IMMP2L: variants seen among roughly 807,000 people sequenced by gnomAD.
The protein encoded by IMMP2L is mitochondrial inner membrane protease subunit 2.
In IMMP2L, 18 loss-of-function variants were observed where a neutral mutation model predicts 19.3. That is an observed-to-expected ratio of 0.93 (90% CI 0.64 to 1.38). The LOEUF is 1.38. Among genes scored for constraint, IMMP2L ranks in the 40% most tolerant of loss-of-function variants. The pLI is 0.00. For synonymous variants in IMMP2L, 76 were observed against 73.0 expected, an observed-to-expected ratio of 1.04 and a Z score of -0.21; for missense variants, 233 against 218.2, an observed-to-expected ratio of 1.07 and a Z score of -0.43.
intron 3 of IMMP2L, among the ~76,000 whole-genome samples, chr7:111,452,275 T>G (rs1839275566): frequency 6.6e-6 from 1 of 152,160 alleles, no homozygotes; most frequent in South Asian, 2.1e-4. Context: ...AGCCAGAAGC[T>G]AACTATTATT....
intron 5 of IMMP2L, among the ~76,000 whole-genome samples, chr7:110,755,930 A>G (rs1447014989): frequency 6.6e-6 from 1 of 152,112 alleles, no homozygotes; most frequent in Admixed American, 6.6e-5. Context: ...AGTATTCTAT[A>G]TTGCCATTTT....
At chr7:111,356,887 C>T (rs990400297) in intron 3 of IMMP2L, among the ~76,000 whole-genome samples, 3 of 151,966 alleles carry the variant, frequency 2.0e-5, no homozygotes, top group Non-Finnish European at 4.4e-5. Flanking sequence ...ATTAGCCAGG[C>T]GTTGTGGTGG....
intron 3 of IMMP2L, among the ~76,000 whole-genome samples, chr7:110,978,345 T>G (rs2129557597): frequency 6.6e-6 from 1 of 152,110 alleles, no homozygotes; most frequent in Admixed American, 6.6e-5. Context: ...TGCCTATATT[T>G]TACAATAAGA....
At chr7:111,281,142 GAA>G (rs1819688337) in intron 3 of IMMP2L, among the ~76,000 whole-genome samples, 1 of 84,952 alleles carries the variant, frequency 1.2e-5, no homozygotes. Flanking sequence ...GAGAAAGACA[GAA>G]AGACAGAAAG....
At chr7:111,429,182 A>G (rs917016237) in intron 3 of IMMP2L, among the ~76,000 whole-genome samples, 1 of 151,888 alleles carries the variant, frequency 6.6e-6, no homozygotes, top group African/African-American at 2.4e-5. Context: ...GAGCAGCTTC[A>G]TGAATCTCTG....
rs540260733 is a variant in IMMP2L, at chr7:111,011,908, T to C, written c.240-48343A>G. Among the ~76,000 whole-genome samples the C allele has an allele frequency of 3.3e-5, 5 of 152,218 alleles. No individual in the cohort carries two copies. In the East Asian group the frequency reaches 9.6e-4, roughly 29 times the overall value. ...ACAAAATTCTTATGACATTGCCATT[T>C]CCTGCCATCCTGTATTTCTCTCTGG... is the stretch of plus-strand genomic sequence containing the variant. On this transcript the variant is annotated intron_variant, in intron 3 of 5. Transcript: ENST00000405709.
chr7:110,671,854 C>A (rs56004197), intron 5 of IMMP2L, among the ~76,000 whole-genome samples: 3,065 of 152,076 alleles, frequency 0.02, 105 homozygotes, highest in African/African-American at 0.07. Flanking sequence ...TCAGGAAGAA[C>A]AAGACTGTTA....
chr7:111,282,805 A>G (rs1467065960), intron 3 of IMMP2L, among the ~76,000 whole-genome samples: 1 of 152,102 alleles, frequency 6.6e-6, no homozygotes, highest in Non-Finnish European at 1.5e-5. Context: ...GCTGGTCTCA[A>G]ATTCTTGGGC....
chr7:110,902,918 C>T (rs1299837885), intron 4 of IMMP2L, among the ~76,000 whole-genome samples: 1 of 29,296 alleles, frequency 3.4e-5, no homozygotes, highest in African/African-American at 2.4e-4. Flanking sequence ...GGCGACAGAG[C>T]GAGACTCCGT....
intron 3 of IMMP2L, among the ~76,000 whole-genome samples, chr7:111,242,855 A>G (rs1031818088): frequency 6.6e-6 from 1 of 152,028 alleles, no homozygotes; most frequent in African/African-American, 2.4e-5. Flanking sequence ...AAGATTTTGG[A>G]CTCCGACATA....
intron 5 of IMMP2L, among the ~76,000 whole-genome samples, chr7:110,751,156 A>G (rs1797692662): frequency 6.6e-6 from 1 of 151,600 alleles, no homozygotes; most frequent in African/African-American, 2.4e-5. Context: ...TTCGTCCCTC[A>G]CTAAGAGACT....
At chr7:111,348,211 A>G (rs1827770504) in intron 3 of IMMP2L, among the ~76,000 whole-genome samples, 1 of 151,826 alleles carries the variant, frequency 6.6e-6, no homozygotes. Flanking sequence ...TGGGTGCAGC[A>G]CACCAACATG....
intron 3 of IMMP2L, among the ~76,000 whole-genome samples, chr7:111,424,140 T>C (rs899684525): frequency 6.6e-6 from 1 of 151,948 alleles, no homozygotes; most frequent in African/African-American, 2.4e-5. Flanking sequence ...TTAAGTGAAT[T>C]CTGATTCGTT....
chr7:111,485,597 CAAAAAA>C (rs71147477), intron 3 of IMMP2L, among the ~76,000 whole-genome samples: 2 of 50,596 alleles, frequency 4.0e-5, no homozygotes, highest in East Asian at 1.3e-3. Context: ...GACTCTGTTT[CAAAAAA>C]AAAAAAAAAA....
chr7:111,493,467 C>T (rs1387970813), intron 2 of IMMP2L, among the ~76,000 whole-genome samples: 1 of 151,914 alleles, frequency 6.6e-6, no homozygotes, highest in African/African-American at 2.4e-5. Context: ...CTTTGGGAGG[C>T]CAAGGTGGGT....
intron 3 of IMMP2L, among the ~76,000 whole-genome samples, chr7:111,001,815 A>C (rs1823731308): frequency 6.6e-6 from 1 of 152,208 alleles, no homozygotes; most frequent in Non-Finnish European, 1.5e-5. Flanking sequence ...TATCATTCTC[A>C]AAAGCAGTCA....
intron 3 of IMMP2L, among the ~76,000 whole-genome samples, chr7:111,187,392 C>T (rs1808386726): frequency 6.6e-6 from 1 of 152,096 alleles, no homozygotes; most frequent in Admixed American, 6.5e-5. Flanking sequence ...CCCAGATATT[C>T]AGGGCAATAC....
chr7:111,163,962 A>G lies in IMMP2L; in HGVS notation c.240-200397T>C, dbSNP rs1805545357. 2.0e-5 allele frequency among the ~76,000 whole-genome samples: 3 copies of G among 152,088 alleles called. No homozygotes were observed. The South Asian group carries it at 6.2e-4, about 31-fold the overall frequency. ...TTCCTACTATACTGGAACAAGCTAT[A>G]GCACAAAAGATCTGAAATAGCTGTA... On this transcript the variant is annotated intron_variant, in intron 3 of 5. Transcript: ENST00000405709.
intron 5 of IMMP2L, among the ~76,000 whole-genome samples, chr7:110,818,441 G>C (rs1369677470): frequency 6.6e-6 from 1 of 151,974 alleles, no homozygotes; most frequent in Non-Finnish European, 1.5e-5. Flanking sequence ...TTAGAATGGC[G>C]ATCATTAAAA....
Sources: allele counts gnomAD v4.1 joint callset (sites outside exome capture counted in the v4.1 genomes callset), GRCh38; gene constraint gnomAD v4.1.1; transcripts MANE v1.5; gene names NCBI Gene and HGNC (gene_info 2026-07-23, HGNC 2026-07-21).